DOCK1: variants seen among roughly 807,000 people sequenced by gnomAD.
The protein encoded by DOCK1 is dedicator of cytokinesis protein 1.
Under a neutral mutation model 262.7 loss-of-function variants are expected in DOCK1, and 138 were observed. The observed-to-expected ratio is 0.53, with a 90% CI of 0.46 to 0.61. DOCK1 has a LOEUF of 0.61. DOCK1 is among the 20% of genes least tolerant of loss of function. The pLI is 0.00. For missense variants in DOCK1, 1,908 were observed against 2,370.7 expected (o/e 0.80, Z 4.05); for synonymous variants, 866 against 867.4 (o/e 1.00, Z 0.03).
chr10:127,016,684 CAG>C (rs2041911212), intron 12 of DOCK1: 1 of 149,976 alleles, frequency 6.7e-6, no homozygotes, highest in Admixed American at 6.7e-5. Context: ...TACACACACA[CAG>C]ATACAAATAC....
In DOCK1 at chr10:127,437,572, A is replaced by G. The variant is rs971781868; in HGVS notation, c.5061-1455A>G. On this transcript the variant is annotated intron_variant, in intron 48 of 51. Transcript: ENST00000623213. The surrounding 1 kb of genome is among the most constrained non-coding windows in gnomAD (Gnocchi z 4.4). ...TGGCTCACTGCAATTTCTACCTCCC[A>G]GGCTCAAGCCATCCTGCCACCTCAG... Among the ~76,000 whole-genome samples, 1 of 150,188 alleles carries G rather than the reference A, an allele frequency of 6.7e-6. No homozygotes were observed. Among genetic ancestry groups the G allele is most frequent in the Non-Finnish European group, 1.5e-5 (1 of 67,620 alleles).
intron 22 of DOCK1, among the ~76,000 whole-genome samples, chr10:127,053,743 A>C (rs1286869484): frequency 6.6e-6 from 1 of 152,258 alleles, no homozygotes; most frequent in Non-Finnish European, 1.5e-5. Context: ...AATATTGTAT[A>C]GATACAGATG....
intron 27 of DOCK1, among the ~76,000 whole-genome samples, chr10:127,185,452 G>A (rs990074134): frequency 1.3e-5 from 2 of 152,132 alleles, no homozygotes; most frequent in African/African-American, 2.4e-5. Context: ...CTTGAACCAG[G>A]GAGTGGGAGG....
At chr10:127,150,537 C>T (rs2052388836) in intron 27 of DOCK1, among the ~76,000 whole-genome samples, 1 of 152,182 alleles carries the variant, frequency 6.6e-6, no homozygotes, top group South Asian at 2.1e-4. Flanking sequence ...ATGCTGGGAC[C>T]CTTAACTAAC....
At chr10:127,290,254 C>G (rs1564967806) in intron 29 of DOCK1, among the ~76,000 whole-genome samples, 1 of 151,836 alleles carries the variant, frequency 6.6e-6, no homozygotes, top group Non-Finnish European at 1.5e-5. Flanking sequence ...ATTGAAGGTA[C>G]GATGATGTTA....
chr10:127,414,590 T>G (rs2068049325), intron 43 of DOCK1, among the ~76,000 whole-genome samples: 1 of 152,210 alleles, frequency 6.6e-6, no homozygotes, highest in African/African-American at 2.4e-5. Context: ...GTTATCAGCT[T>G]CAGGTAGGGG....
chr10:126,988,580 G>C (rs2039573884), intron 5 of DOCK1: 1 of 152,150 alleles, frequency 6.6e-6, no homozygotes, highest in Admixed American at 6.5e-5. Context: ...CTTCAACTTA[G>C]CAATTTTTAA....
intron 29 of DOCK1, among the ~76,000 whole-genome samples, chr10:127,322,873 C>T (rs2062595226): frequency 6.6e-6 from 1 of 152,182 alleles, no homozygotes; most frequent in Admixed American, 6.5e-5. Context: ...ACTAGACTGT[C>T]AAGAATGGAA....
intron 49 of DOCK1, among the ~76,000 whole-genome samples, chr10:127,441,475 C>G (rs1451786280): frequency 1.1e-4 from 16 of 152,230 alleles, no homozygotes; most frequent in Admixed American, 1.0e-3. Context: ...GACAGGCTTA[C>G]TATTCTTGGT....
intron 22 of DOCK1, among the ~76,000 whole-genome samples, chr10:127,053,748 C>T (rs2044922914): frequency 6.6e-6 from 1 of 152,194 alleles, no homozygotes; most frequent in South Asian, 2.1e-4. Context: ...TGTATAGATA[C>T]AGATGCAGGT....
At chr10:127,378,244 A>T (rs1590785865) in intron 35 of DOCK1, among the ~76,000 whole-genome samples, 1 of 152,320 alleles carries the variant, frequency 6.6e-6, no homozygotes, top group East Asian at 1.9e-4. Flanking sequence ...CAGTATTTTT[A>T]AAATCTTGGT....
chr10:127,342,445 C>G (rs755185116), intron 30 of DOCK1, among the ~76,000 whole-genome samples: 9 of 152,164 alleles, frequency 5.9e-5, no homozygotes. Flanking sequence ...GGGCTGGTCT[C>G]TAAATCTCAG....
intron 38 of DOCK1, among the ~76,000 whole-genome samples, chr10:127,399,351 C>T (rs972684859): frequency 1.5e-4 from 23 of 152,132 alleles, no homozygotes; most frequent in Non-Finnish European, 2.9e-5. Context: ...AATCTGCCTT[C>T]TCTCTGGCAC....
chr10:127,105,689 A>G (rs1440375141), intron 23 of DOCK1, among the ~76,000 whole-genome samples: 1 of 152,220 alleles, frequency 6.6e-6, no homozygotes, highest in Non-Finnish European at 1.5e-5. Context: ...GCTTCTGTTA[A>G]TAATAATTTT....
intron 38 of DOCK1, among the ~76,000 whole-genome samples, chr10:127,397,748 ATGACACGGGCAGCGAC>A (rs1212457335): frequency 2.4e-5 from 2 of 84,672 alleles, no homozygotes; most frequent in African/African-American, 9.5e-5. Flanking sequence ...CGACTCCTGT[ATGACACGGGCAGCGAC>A]TCCTGTATGA....
chr10:127,348,715 T>A (rs930546713), intron 31 of DOCK1, among the ~76,000 whole-genome samples: 4 of 151,890 alleles, frequency 2.6e-5, no homozygotes, highest in Non-Finnish European at 5.9e-5. Flanking sequence ...GGTTTCACAA[T>A]GGGACCAAAA....
chr10:127,245,962 C>A (rs1437981896), intron 27 of DOCK1, among the ~76,000 whole-genome samples: 3 of 152,130 alleles, frequency 2.0e-5, no homozygotes, highest in African/African-American at 7.2e-5. Flanking sequence ...TGATATAGGC[C>A]TCTTCTTCAG....
intron 27 of DOCK1, among the ~76,000 whole-genome samples, chr10:127,181,768 T>G (rs1215298747): frequency 1.3e-5 from 2 of 152,012 alleles, no homozygotes; most frequent in Admixed American, 6.5e-5. Flanking sequence ...GGAGGTAAAA[T>G]AGAACCTCAC....
At chr10:127,117,758 C>T (rs2049282622) in intron 25 of DOCK1, among the ~76,000 whole-genome samples, 2 of 152,122 alleles carry the variant, frequency 1.3e-5, no homozygotes, top group Admixed American at 1.3e-4. Context: ...TGTATTTAGT[C>T]ATGTGCACAC....
Sources: gnomAD v4.1 joint callset for allele counts (sites outside exome capture counted in the v4.1 genomes callset) on GRCh38, gnomAD v4.1.1 for gene constraint, Gnocchi (gnomAD v3.1) non-coding constraint, MANE v1.5 for transcripts, NCBI Gene and HGNC (gene_info 2026-07-23, HGNC 2026-07-21) for gene names.